RAB11FIP3: variants seen among roughly 807,000 people sequenced by gnomAD.
The protein encoded by RAB11FIP3 is RAB11 family interacting protein 3.
Under a neutral mutation model 77.8 loss-of-function variants are expected in RAB11FIP3, and 17 were observed. That is an observed-to-expected ratio of 0.22 (90% confidence interval 0.15 to 0.33). The LOEUF is 0.33. RAB11FIP3 is among the 10% of genes least tolerant of loss of function. The pLI is 1.00. For missense variants in RAB11FIP3, 1,005 were observed against 1,011.2 expected, an observed-to-expected ratio of 0.99 and a Z score of 0.08; for synonymous variants, 437 against 448.2, an observed-to-expected ratio of 0.98 and a Z score of 0.31.
Position 488,999 on chromosome 16 carries a change from A to G in RAB11FIP3, c.1264A>G (p.Ser422Gly). 1 of 1,613,194 alleles carries G rather than the reference A, an allele frequency of 6.2e-7. No homozygotes were observed. Among genetic ancestry groups the G allele is most frequent in the East Asian group, 2.2e-5 (1 of 44,854 alleles). ...CAGTGACCCCGCTTTCCTCACGCCC[A>G]GGTAATGACGCCTTGTTCCAGCACA... ...GCSDPAFLTPSPTKRLSSKKV... is the reference protein window; with the variant it reads ...GCSDPAFLTPGPTKRLSSKKV... The change falls in exon 5 of 14, where the codon AGT becomes GGT. Residue 422 changes from serine to glycine, a missense_variant and splice_region_variant. By Grantham distance (56) the Ser-to-Gly change is moderately conservative. Around this residue, in one of 4 missense-constraint regions of RAB11FIP3, gnomAD observed 433 missense variants for 436.1 expected, o/e 0.99. Transcript: ENST00000262305.
Position 520,772 on chromosome 16 carries a change from A to C in RAB11FIP3, c.2204A>C (p.Gln735Pro). ...QKQEEINFRL[Q>P]DYIDRIIVAI... The stretch of plus-strand genomic sequence containing the variant: ...CAGGAGGAGATCAACTTCCGCCTGC[A>C]GGACTACATCGACAGGATCATCGTG... The change falls in exon 14 of 14, where the codon CAG (glutamine) becomes CCG (proline). Residue 735 changes from glutamine to proline, a missense_variant. Physicochemically the swap from Gln to Pro is moderately conservative, Grantham distance 76. Coordinates refer to ENST00000262305, the MANE Select transcript of RAB11FIP3 (RefSeq NM_014700.4). 6.2e-7 allele frequency: 1 copy of C among 1,613,840 alleles called. No homozygotes were observed. Among genetic ancestry groups the C allele is most frequent in the Non-Finnish European group, 8.5e-7 (1 of 1,180,022 alleles).
chr16:474,835 A>G (rs2055870827), intron 3 of RAB11FIP3: 1 of 1,424,264 alleles, frequency 7.0e-7, no homozygotes, highest in South Asian at 1.6e-5. Flanking sequence ...CCTGGGCAAC[A>G]CCAGCAGGAG....
chr16:463,716 A>G (rs1380119779), intron 2 of RAB11FIP3, among the ~76,000 whole-genome samples: 2 of 152,050 alleles, frequency 1.3e-5, no homozygotes, highest in Non-Finnish European at 1.5e-5. Flanking sequence ...GGGGTTACAG[A>G]CATGAGCCAC....
At chr16:438,079 G>A (rs890541541) in intron 1 of RAB11FIP3, among the ~76,000 whole-genome samples, 1 of 151,444 alleles carries the variant, frequency 6.6e-6, no homozygotes, top group African/African-American at 2.4e-5. Context: ...AAAGTGCTGG[G>A]ATTACAGGCA....
In RAB11FIP3 at chr16:520,764, C is replaced by A; in HGVS notation, c.2196C>A (p.Phe732Leu). The A allele has an allele frequency of 6.2e-7, 1 of 1,613,812 alleles. No individual in the cohort carries two copies. The highest frequency in any genetic ancestry group is 2.2e-5 in the East Asian group (1 of 44,884). Residue 732 changes from phenylalanine to leucine, a missense_variant, in exon 14 of 14, where the codon TTC becomes TTA. Phe to Leu is a conservative substitution (Grantham distance 22). Coordinates refer to ENST00000262305, the MANE Select transcript of RAB11FIP3 (RefSeq NM_014700.4). ...EAIQKQEEIN[F>L]RLQDYIDRII... is the part of the protein sequence containing the mutation. ...TTCAGAAGCAGGAGGAGATCAACTT[C>A]CGCCTGCAGGACTACATCGACAGGA...
At chr16:501,632 G>C (rs2031529220) in intron 6 of RAB11FIP3, among the ~76,000 whole-genome samples, 1 of 149,038 alleles carries the variant, frequency 6.7e-6, no homozygotes, top group Non-Finnish European at 1.5e-5. Flanking sequence ...AGGAAGCTGG[G>C]AGAGGGTCCC....
chr16:496,863 G>A lies in RAB11FIP3; in HGVS notation c.1301+4G>A. ...TCTCCAGCAAGAAGGTGGCAAGGTA[G>A]GTGGGTCTCTGGTTCCTGCTGAAAA... On this transcript the variant is annotated splice_donor_region_variant and intron_variant, in intron 6 of 13. Transcript: ENST00000262305. 1 of 1,581,442 alleles carries A rather than the reference G, an allele frequency of 6.3e-7. No individual in the cohort carries two copies.
At position 461,555 on chromosome 16, in the gene RAB11FIP3, A is replaced by G; in HGVS notation, c.808+58A>G. 1 of 1,400,830 alleles carries G rather than the reference A, an allele frequency of 7.1e-7. No homozygotes were observed. The highest frequency in any genetic ancestry group is 1.0e-6 in the Non-Finnish European group (1 of 989,674). The allele number at this position is 1,400,830 out of a possible 1,614,324, so 86.8% of individuals were successfully genotyped here. ...TCTCCCGTTCCTCAGCCACCCTCTC[A>G]GCCACCTGCACATCACCAGGCTCCT... On this transcript the variant is annotated intron_variant, in intron 2 of 13. Transcript: ENST00000262305. This position sits in a 1 kb window ranked among gnomAD's most constrained non-coding sequence, Gnocchi z 4.5.
At chr16:518,550 C>A (rs2141906811) in intron 9 of RAB11FIP3, among the ~76,000 whole-genome samples, 1 of 150,110 alleles carries the variant, frequency 6.7e-6, no homozygotes, top group South Asian at 2.1e-4. Context: ...CATGGCGAAA[C>A]CCCCTCTCTA....
At chr16:503,147 G>A (rs948486847) in intron 7 of RAB11FIP3, 50 bp downstream of exon 7, 1 of 1,482,374 alleles carries the variant, frequency 6.7e-7, no homozygotes, top group Non-Finnish European at 9.3e-7. Flanking sequence ...TTAGAACACA[G>A]CCACGCCTAA....
intron 9 of RAB11FIP3, 80 bp from the exon 10 acceptor site, chr16:518,863 T>C (rs2032538024): frequency 6.8e-7 from 1 of 1,480,334 alleles, no homozygotes; most frequent in African/African-American, 1.4e-5. Flanking sequence ...CCCAGCAGGG[T>C]TTCCCTGAGA....
At position 461,603 on chromosome 16, in the gene RAB11FIP3, C is replaced by T; in HGVS notation, c.808+106C>T. Reference sequence around the variant, plus strand: ...CCTCGTGCTGACTCTAACATCTTTCCTTCTCCTTGAAGCCCCCAACATACC... The same window carrying T: ...CCTCGTGCTGACTCTAACATCTTTCTTTCTCCTTGAAGCCCCCAACATACC... On this transcript the variant is annotated intron_variant, in intron 2 of 13. Transcript: ENST00000262305. This position sits in a 1 kb window ranked among gnomAD's most constrained non-coding sequence, Gnocchi z 4.5. 1 of 929,924 alleles carries T rather than the reference C, an allele frequency of 1.1e-6. No individual in the cohort carries two copies. Among genetic ancestry groups the T allele is most frequent in the South Asian group, 1.5e-5 (1 of 65,744 alleles). 57.6% of individuals were successfully genotyped at this position (929,924 alleles called of 1,614,324 possible). A position where few individuals can be genotyped will look rare whatever the true frequency, so the allele number is the denominator to read the frequency against.
At position 438,404 on chromosome 16, in the gene RAB11FIP3, C is replaced by CTT. The variant is rs753481865; in HGVS notation, c.714+11702_714+11703dup. ...TACAGGCATGAGCCGCTGCGTCCGG[C>CTT]TTTTTTTTTTTTTTTTTTTGAGACA... On this transcript the variant is annotated intron_variant, in intron 1 of 13. Coordinates refer to ENST00000262305, the MANE Select transcript of RAB11FIP3 (RefSeq NM_014700.4). Among the ~76,000 whole-genome samples the CTT allele has an allele frequency of 1.5e-3, 183 of 118,820 alleles. 3 individuals are homozygous for CTT. Among genetic ancestry groups the CTT allele is most frequent in the African/African-American group, 3.1e-3 (93 of 30,394 alleles). 78.0% of individuals were successfully genotyped at this position (118,820 alleles called of 152,430 possible).
At chr16:492,342 A>C (rs2030305879) in intron 5 of RAB11FIP3, among the ~76,000 whole-genome samples, 1 of 100,742 alleles carries the variant, frequency 9.9e-6, no homozygotes, top group Non-Finnish European at 1.8e-5. Context: ...AGAAAGCAGA[A>C]GTGCTCTTTG....
intron 6 of RAB11FIP3, among the ~76,000 whole-genome samples, chr16:501,302 G>C (rs146404362): frequency 0.012 from 1,756 of 152,250 alleles, 29 homozygotes; most frequent in African/African-American, 0.04. Flanking sequence ...TCATAGGCAA[G>C]GAAGCTGGGA....
chr16:438,001 G>A (rs1244223320), intron 1 of RAB11FIP3, among the ~76,000 whole-genome samples: 1 of 152,058 alleles, frequency 6.6e-6, no homozygotes, highest in Non-Finnish European at 1.5e-5. Context: ...GTAGAGATGG[G>A]GTTTCACATA....
intron 4 of RAB11FIP3, among the ~76,000 whole-genome samples, chr16:484,036 A>T (rs1010525087): frequency 6.6e-6 from 1 of 152,120 alleles, no homozygotes; most frequent in Non-Finnish European, 1.5e-5. Flanking sequence ...GGGCGGCATC[A>T]CGGGCTGTTA....
At position 506,748 on chromosome 16, in the gene RAB11FIP3, G is replaced by A. The variant is rs1017518791; in HGVS notation, c.1499+1121G>A. Among the ~76,000 whole-genome samples the A allele has an allele frequency of 2.0e-5, 3 of 152,258 alleles. No homozygotes were observed. The highest frequency in any genetic ancestry group is 7.2e-5 in the African/African-American group (3 of 41,460). On this transcript the variant is annotated intron_variant, in intron 8 of 13. Coordinates refer to ENST00000262305, the MANE Select transcript of RAB11FIP3 (RefSeq NM_014700.4). The surrounding 1 kb of genome is among the most constrained non-coding windows in gnomAD (Gnocchi z 4.5). ...TTAATTCTAACAAAGCAAAGCATGT[G>A]CTCTTGTGGAGTGAAGACCCTGGGC...
intron 9 of RAB11FIP3, among the ~76,000 whole-genome samples, chr16:518,239 C>T (rs781345957): frequency 2.6e-5 from 4 of 152,170 alleles, no homozygotes; most frequent in East Asian, 1.9e-4. Context: ...CCACTATGCT[C>T]GGCTAATTTT....
Sources: gnomAD v4.1 joint callset for allele counts (sites outside exome capture counted in the v4.1 genomes callset) on GRCh38, gnomAD v4.1.1 for gene constraint, gnomAD v4.1.1 regional missense constraint, Gnocchi (gnomAD v3.1) non-coding constraint, MANE v1.5 for transcripts, NCBI Gene and HGNC (gene_info 2026-07-23, HGNC 2026-07-21) for gene names.